Variants in TSC2 observed in about 807,000 individuals in gnomAD.
TSC2 encodes the protein tuberin.
In TSC2, 29 loss-of-function variants were observed where a neutral mutation model predicts 202.2. The observed-to-expected ratio is 0.14, with a 90% CI of 0.11 to 0.20. The LOEUF (loss-of-function observed/expected upper bound fraction) is 0.20, where lower values mean the gene tolerates loss of function less well. Among genes scored for constraint, TSC2 ranks in the 10% least tolerant of loss-of-function variants. The probability of loss-of-function intolerance (pLI) is 1.00; values close to 1 mark genes in which losing one functional copy is unlikely to be tolerated. For missense variants in TSC2, 2,429 were observed against 2,420.0 expected, an observed-to-expected ratio of 1.00 and a Z score of -0.08; for synonymous variants, 1,349 against 1,044.0, an observed-to-expected ratio of 1.29 and a Z score of -5.63.
chr16:2,078,479 T>A, intron 26 of TSC2: 1 of 182,462 alleles, frequency 5.5e-6, no homozygotes, highest in Non-Finnish European at 1.2e-5. Context: ...TTAAAGCCAT[T>A]TTCTAGCACA....
chr16:2,073,718 G>A (rs2088840938), intron 21 of TSC2, among the ~76,000 whole-genome samples: 1 of 152,264 alleles, frequency 6.6e-6, no homozygotes, highest in Non-Finnish European at 1.5e-5. Flanking sequence ...CAGGTTCTGA[G>A]GCCTTACTGG....
chr16:2,049,558 C>T (rs986719171), intron 2 of TSC2, among the ~76,000 whole-genome samples: 2 of 151,974 alleles, frequency 1.3e-5, no homozygotes, highest in African/African-American at 4.8e-5. Context: ...GGTGCGGTGG[C>T]TCACGCCTGT....
At chr16:2,056,303 G>A (rs1011954024) in intron 7 of TSC2, 59 bp downstream of exon 7, 1 of 1,608,892 alleles carries the variant, frequency 6.2e-7, no homozygotes, top group Non-Finnish European at 8.5e-7. Flanking sequence ...GGAGGCTGGG[G>A]CTTGGGGGTT....
intron 13 of TSC2, 27 bp downstream of exon 13, chr16:2,062,627 G>A: frequency 6.3e-7 from 1 of 1,580,828 alleles, no homozygotes; most frequent in Non-Finnish European, 8.6e-7. Context: ...AGCCTTGCCT[G>A]GCACCTGGAG....
rs2091333255 is a variant in TSC2, at chr16:2,089,310, AGG to A, written c.*702_*703del. The A allele has an allele frequency of 1.1e-5, 3 of 263,824 alleles. No homozygotes were observed. The highest frequency in any genetic ancestry group is 1.3e-3 in the Middle Eastern group (1 of 770). 16.3% of individuals were successfully genotyped at this position (263,824 alleles called of 1,614,324 possible). On this transcript the variant is annotated 3_prime_UTR_variant, in exon 42 of 42. Coordinates refer to ENST00000219476, the MANE Select transcript of TSC2 (RefSeq NM_000548.5). ...CACGAGACACACAGTGAGACGGTGCAGGGAGTACGGTAGGAACTGGAGAGGTA... is the reference window on the plus strand; with the variant it reads ...CACGAGACACACAGTGAGACGGTGCAGAGTACGGTAGGAACTGGAGAGGTA...
At chr16:2,076,306 G>C in intron 24 of TSC2, 136 bp downstream of exon 24, 1 of 1,560,386 alleles carries the variant, frequency 6.4e-7, no homozygotes, top group Non-Finnish European at 8.7e-7. Context: ...CTGTGGCGCT[G>C]GGGGCTCTGC....
At chr16:2,054,645 A>G in intron 5 of TSC2, 2 of 688,098 alleles carry the variant, frequency 2.9e-6, no homozygotes, top group Middle Eastern at 4.0e-4. Flanking sequence ...CCTGGCCTTC[A>G]CCCCAGACCT....
Position 2,079,375 on chromosome 16 carries a change from C to G in TSC2, c.3231C>G (p.Thr1077=), listed in dbSNP as rs772876273. Reference sequence around the variant, plus strand: ...TGACGACAAGCGTGGGAACCGGGACCCGGTCGTTACTAGGCCTGGACTCGG... The same window carrying G: ...TGACGACAAGCGTGGGAACCGGGACGCGGTCGTTACTAGGCCTGGACTCGG... ...VTVTTSVGTG[T]RSLLGLDSGE... is the part of the protein sequence containing the mutation. Residue 1077 remains threonine (T), a synonymous_variant, in exon 28 of 42, where the codon ACC becomes ACG. Transcript: ENST00000219476. This position sits in a 1 kb window ranked among gnomAD's most constrained non-coding sequence, Gnocchi z 4.6. 6.2e-7 allele frequency: 1 copy of G among 1,612,934 alleles called. No individual in the cohort carries two copies. The highest frequency in any genetic ancestry group is 8.5e-7 in the Non-Finnish European group (1 of 1,180,022).
chr16:2,082,309 G>A (rs774424925), intron 31 of TSC2, 127 bp from the exon 32 acceptor site: 16 of 1,078,648 alleles, frequency 1.5e-5, no homozygotes, highest in African/African-American at 3.1e-5. Flanking sequence ...ACTGGGCCCC[G>A]TGCGCGCCCC....
chr16:2,053,683 T>C (rs1473203819), intron 4 of TSC2: 3 of 659,944 alleles, frequency 4.5e-6, no homozygotes, highest in East Asian at 5.8e-5. Context: ...ACCTTCCTCT[T>C]ATGGGATGTT....
At position 2,048,382 on chromosome 16, in the gene TSC2, C is replaced by T. The variant is rs1194001342; in HGVS notation, c.-29-205C>T. ...CGGCAGCGTCTGAGTAGAGAGCTCT[C>T]TAGACCAGGCCTGGTGTCTCCCGGG... On this transcript the variant is annotated intron_variant, in intron 1 of 41. Transcript: ENST00000219476. 10 of 851,552 alleles carry T rather than the reference C, an allele frequency of 1.2e-5. No homozygotes were observed. The East Asian group carries it at 2.1e-4, about 18-fold the overall frequency. The allele number at this position is 851,552 out of a possible 1,614,324, so 52.7% of individuals were successfully genotyped here.
At position 2,072,186 on chromosome 16, in the gene TSC2, C is replaced by T. The variant is rs1385289542; in HGVS notation, c.2098-55C>T. On this transcript the variant is annotated intron_variant, in intron 19 of 41. Transcript: ENST00000219476. Reference sequence around the variant, plus strand: ...AAGCAGAGCCTCAGATGCTAGCTTCCGCCTCTGTCTCTAGGGTCCAGAAGG... The same window carrying T: ...AAGCAGAGCCTCAGATGCTAGCTTCTGCCTCTGTCTCTAGGGTCCAGAAGG... 2.7e-5 allele frequency: 43 copies of T among 1,611,064 alleles called. 1 individual carries two copies. The highest frequency in any genetic ancestry group is 3.3e-4 in the Middle Eastern group (2 of 6,034).
chr16:2,048,570 C>A lies in TSC2; in HGVS notation c.-29-17C>A, dbSNP rs201044312. 6.2e-7 allele frequency: 1 copy of A among 1,613,294 alleles called. No individual in the cohort carries two copies. Among genetic ancestry groups the A allele is most frequent in the Non-Finnish European group, 8.5e-7 (1 of 1,180,012 alleles). On this transcript the variant is annotated splice_polypyrimidine_tract_variant and intron_variant, in intron 1 of 41. Transcript: ENST00000219476. ...AGGTGTTGCTCAGATGTCCCCATTC[C>A]TGTTTCGTTTGCACAGAGGGGTTTT... is the stretch of plus-strand genomic sequence containing the variant.
rs772986652 is a variant in TSC2 at position 2,070,623 on chromosome 16, A to G, written c.1839+45A>G. The G allele has an allele frequency of 3.7e-6, 6 of 1,612,042 alleles. No homozygotes were observed. In the African/African-American group the frequency reaches 5.3e-5, roughly 14 times the overall value. On this transcript the variant is annotated intron_variant, in intron 17 of 41. Coordinates refer to ENST00000219476, the MANE Select transcript of TSC2 (RefSeq NM_000548.5). The stretch of plus-strand genomic sequence containing the variant: ...GCAGCCAGTTCCTGGGGGCCCAGCC[A>G]GGTATCCCCGTCTCGGCAGGTGTGG...
chr16:2,080,517 T>C (rs1356800991), intron 30 of TSC2, 140 bp downstream of exon 30: 8 of 998,376 alleles, frequency 8.0e-6, no homozygotes, highest in Non-Finnish European at 8.7e-6. Flanking sequence ...AGAGTCTTGC[T>C]CTGTGGCCCA....
rs762819541 is a variant in TSC2, at chr16:2,086,378, A to G, written c.4848A>G (p.Gln1616=). 4 of 1,612,382 alleles carry G rather than the reference A, an allele frequency of 2.5e-6. No individual in the cohort carries two copies. The highest frequency in any genetic ancestry group is 3.4e-6 in the Non-Finnish European group (4 of 1,179,738). ...ACTGCTGGCACGATGACATCATGCA[A>G]GGTACGGCCTGGCGCCTACCCGCTC... ...FTYCWHDDIM[Q]AVFHIATLMP... is the part of the protein sequence containing the mutation. The change falls in exon 37 of 42, where the codon CAA becomes CAG. Residue 1616 remains glutamine, a splice_region_variant and synonymous_variant. Coordinates refer to ENST00000219476, the MANE Select transcript of TSC2 (RefSeq NM_000548.5).
intron 11 of TSC2, chr16:2,061,059 G>C (rs1567425098): frequency 1.8e-6 from 1 of 553,200 alleles, no homozygotes; most frequent in Non-Finnish European, 3.2e-6. Flanking sequence ...GGCTGGGCCA[G>C]TGCTGTCCAC....
Position 2,088,062 on chromosome 16 carries a change from G to A in TSC2, c.5083G>A (p.Val1695Met), listed in dbSNP as rs2151620184. 2 of 1,612,746 alleles carry A rather than the reference G, an allele frequency of 1.2e-6. No individual in the cohort carries two copies. The highest frequency in any genetic ancestry group is 2.2e-5 in the East Asian group (1 of 44,808). Residue 1695 changes from valine to methionine, a missense_variant, in exon 40 of 42, where the codon GTG becomes ATG. Val to Met is a conservative substitution (Grantham distance 21). Transcript: ENST00000219476. ...AGTCTCCCCAGACATGGAGGGCCTTGTGGACACCAGCGTGGCCAAGATCGT... is the reference window on the plus strand; with the variant it reads ...AGTCTCCCCAGACATGGAGGGCCTTATGGACACCAGCGTGGCCAAGATCGT... ...LQCRKDMEGL[V>M]DTSVAKIVSD...
In TSC2 at chr16:2,084,141, G is replaced by T. The variant is rs959521270; in HGVS notation, c.4006-87G>T. 11 of 1,546,618 alleles carry T rather than the reference G, an allele frequency of 7.1e-6. No individual in the cohort carries two copies. The Admixed American group carries it at 2.2e-4, about 30-fold the overall frequency. Reference sequence around the variant, plus strand: ...GTCTGTGGCCCTGGGATGGAGGACAGATAGGGCCTCACCACCTCCAGGTCA... The same window carrying T: ...GTCTGTGGCCCTGGGATGGAGGACATATAGGGCCTCACCACCTCCAGGTCA... On this transcript the variant is annotated intron_variant, in intron 33 of 41. Transcript: ENST00000219476.
Sources: allele counts gnomAD v4.1 joint callset (sites outside exome capture counted in the v4.1 genomes callset), GRCh38; gene constraint gnomAD v4.1.1; non-coding constraint Gnocchi (gnomAD v3.1); transcripts MANE v1.5; gene names NCBI Gene and HGNC (gene_info 2026-07-23, HGNC 2026-07-21).